Variants in HDHD5 observed in about 807,000 individuals in gnomAD.
HDHD5 encodes the protein haloacid dehalogenase like hydrolase domain containing 5, also known as haloacid dehalogenase-like hydrolase domain-containing 5.
Under a neutral mutation model 35.5 loss-of-function variants are expected in HDHD5, and 34 were observed. The ratio of observed to expected loss-of-function variants is 0.96; its 90% confidence interval spans 0.73 to 1.28. The LOEUF (loss-of-function observed/expected upper bound fraction) is 1.28. Among genes scored for constraint, HDHD5 ranks in the 50% most tolerant of loss-of-function variants. HDHD5 has a pLI of 0.00. For missense variants in HDHD5, 589 were observed against 560.2 expected (o/e 1.05, Z -0.52); for synonymous variants, 248 against 240.6 (o/e 1.03, Z -0.29).
chr22:17,144,878 AC>A, intron 4 of HDHD5, 145 bp downstream of exon 4: 1 of 974,720 alleles, frequency 1.0e-6, no homozygotes. Context: ...AATTCAGGGA[AC>A]AAAACCCTTA....
At chr22:17,140,734 C>A (rs971832628) in intron 6 of HDHD5, among the ~76,000 whole-genome samples, 6 of 152,150 alleles carry the variant, frequency 3.9e-5, no homozygotes, top group African/African-American at 1.4e-4. Context: ...TGCACAGATA[C>A]GGTACAAAAA....
At chr22:17,165,177 T>C in intron 1 of HDHD5, 1 of 771,290 alleles carries the variant, frequency 1.3e-6, no homozygotes, top group Non-Finnish European at 2.4e-6. Context: ...TCCTGGCCTC[T>C]CTCTACCTGG....
chr22:17,137,916 C>T lies in HDHD5; in HGVS notation c.*105G>A. On this transcript the variant is annotated 3_prime_UTR_variant, in exon 8 of 8. Coordinates refer to ENST00000336737, the MANE Select transcript of HDHD5 (RefSeq NM_033070.3). ...ACTCATGGGGCAGCAAGAAGGGTGG[C>T]AAGGGAACCAAGCCCTGACCTGAGC... is the stretch of plus-strand genomic sequence containing the variant. 1 of 901,260 alleles carries T rather than the reference C, an allele frequency of 1.1e-6. No homozygotes were observed. The highest frequency in any genetic ancestry group is 1.7e-6 in the Non-Finnish European group (1 of 597,294). 55.8% of individuals were successfully genotyped at this position (901,260 alleles called of 1,614,324 possible). A position where few individuals can be genotyped will look rare whatever the true frequency, so the allele number is the denominator to read the frequency against.
intron 1 of HDHD5, among the ~76,000 whole-genome samples, chr22:17,165,001 T>C (rs1402415203): frequency 6.6e-6 from 1 of 152,144 alleles, no homozygotes; most frequent in Non-Finnish European, 1.5e-5. Context: ...GGTTTACTGC[T>C]CACTGTCTCT....
chr22:17,146,599 T>C lies in HDHD5; in HGVS notation c.444-1482A>G, dbSNP rs174781. ...TTCGATCACACGCCATCGCACACGC[T>C]CCACACCTGTGGCACACTCCTGTGA... On this transcript the variant is annotated intron_variant, in intron 3 of 7. Transcript: ENST00000336737. Among the ~76,000 whole-genome samples, 186 of 25,446 alleles carry C rather than the reference T, an allele frequency of 7.3e-3. 18 individuals are homozygous for C. Among genetic ancestry groups the C allele is most frequent in the African/African-American group, 0.046 (176 of 3,802 alleles). The allele number at this position is 25,446 out of a possible 152,430, so 16.7% of individuals were successfully genotyped here.
rs758655588 is a variant in HDHD5 at position 17,149,546 on chromosome 22, C to T, written c.326G>A (p.Cys109Tyr). Residue 109 changes from cysteine (C) to tyrosine (Y), a missense_variant, in exon 2 of 8, where the codon TGC becomes TAC. Transcript: ENST00000336737. Reference protein sequence around the residue: ...KAQELSALLGCEVDADQVILS... With the variant: ...KAQELSALLGYEVDADQVILS... ...TGCCTCTGGCTGCCTTCTCACCTCG[C>T]ACCCCAGCAGGGCTGACAGCTCCTG... 1.2e-6 allele frequency: 2 copies of T among 1,611,462 alleles called. No individual in the cohort carries two copies. Among genetic ancestry groups the T allele is most frequent in the South Asian group, 2.2e-5 (2 of 90,968 alleles).
intron 1 of HDHD5, among the ~76,000 whole-genome samples, chr22:17,157,681 A>G (rs1156342255): frequency 2.0e-5 from 3 of 152,232 alleles, no homozygotes; most frequent in Non-Finnish European, 2.9e-5. Context: ...TTTTATCAAC[A>G]TATTCTAATT....
At chr22:17,163,720 C>T (rs1312494288), upstream of HDHD5, among the ~76,000 whole-genome samples, 1 of 152,192 alleles carries the variant, frequency 6.6e-6, no homozygotes, top group African/African-American at 2.4e-5. Context: ...AAACAGCAGC[C>T]ATTCCTGGCA....
chr22:17,152,168 A>C (rs1456331005), intron 1 of HDHD5, among the ~76,000 whole-genome samples: 9 of 152,214 alleles, frequency 5.9e-5, no homozygotes, highest in Non-Finnish European at 1.2e-4. Flanking sequence ...TGGCCATCAC[A>C]GGTCTCCGAG....
At chr22:17,148,179 G>C (rs552917288) in intron 3 of HDHD5, among the ~76,000 whole-genome samples, 1 of 152,164 alleles carries the variant, frequency 6.6e-6, no homozygotes, top group African/African-American at 2.4e-5. Context: ...CCGAGACCTA[G>C]TGAATTAAGG....
At position 17,159,259 on chromosome 22, in the gene HDHD5, T is replaced by G. The variant is rs2061841603; in HGVS notation, c.-8A>C. ...ACAGCCCCACGCAGCCATCCGGCCG[T>G]CGCCGTGCGCACGTGCACGGCGTGC... On this transcript the variant is annotated 5_prime_UTR_variant, in exon 1 of 8. Transcript: ENST00000336737. 9 of 1,161,362 alleles carry G rather than the reference T, an allele frequency of 7.7e-6. No homozygotes were observed. Among genetic ancestry groups the G allele is most frequent in the African/African-American group, 1.8e-5 (1 of 54,212 alleles). The allele number at this position is 1,161,362 out of a possible 1,614,324, so 71.9% of individuals were successfully genotyped here. A position where few individuals can be genotyped will look rare whatever the true frequency, so the allele number is the denominator to read the frequency against.
At chr22:17,159,549 C>A (rs2061846694), upstream of HDHD5, 1 of 450,208 alleles carries the variant, frequency 2.2e-6, no homozygotes, top group Non-Finnish European at 4.4e-6. Flanking sequence ...CCTGCGGATC[C>A]CGGTAACATT....
intron 4 of HDHD5, 92 bp from the exon 5 acceptor site, chr22:17,143,223 G>C (rs1433142704): frequency 2.9e-6 from 4 of 1,389,560 alleles, no homozygotes; most frequent in Non-Finnish European, 3.0e-6. Context: ...GGAGGGGAGG[G>C]GAGACACACT....
Position 17,138,674 on chromosome 22 carries a change from G to A in HDHD5, c.811C>T (p.Leu271=). The change falls in exon 7 of 8, where the codon CTG becomes TTG. Residue 271 remains leucine, a synonymous_variant. Coordinates refer to ENST00000336737, the MANE Select transcript of HDHD5 (RefSeq NM_033070.3). ...TIYQKVTGKE[L]RYEGLMGKPS... Reference sequence around the variant, plus strand: ...TTGCCCATCAGGCCCTCGTATCTCAGCTCCTTGCCCGTCACTTTCTGGTAA... The same window carrying A: ...TTGCCCATCAGGCCCTCGTATCTCAACTCCTTGCCCGTCACTTTCTGGTAA... 6.2e-7 allele frequency: 1 copy of A among 1,614,210 alleles called. No individual in the cohort carries two copies. Among genetic ancestry groups the A allele is most frequent in the Non-Finnish European group, 8.5e-7 (1 of 1,180,046 alleles).
chr22:17,162,928 A>G (rs1417793517), upstream of HDHD5, among the ~76,000 whole-genome samples: 1 of 152,260 alleles, frequency 6.6e-6, no homozygotes, highest in African/African-American at 2.4e-5. Context: ...TTGTAAGCAG[A>G]ACCCCTGCCC....
chr22:17,159,294 C>CCA (rs2061842657), upstream of HDHD5: 1 of 1,237,628 alleles, frequency 8.1e-7, no homozygotes. Context: ...CGGCCCCCCC[C>CCA]CCCCGCGAGT....
At chr22:17,141,036 G>A in intron 6 of HDHD5, 23 bp downstream of exon 6, 3 of 1,557,148 alleles carry the variant, frequency 1.9e-6, no homozygotes, top group Non-Finnish European at 2.6e-6. Context: ...ACCAGGCCAA[G>A]GCTGGGAGCT....
intron 1 of HDHD5, among the ~76,000 whole-genome samples, chr22:17,164,289 T>C (rs2061879694): frequency 6.6e-6 from 1 of 150,990 alleles, no homozygotes; most frequent in Non-Finnish European, 1.5e-5. Context: ...CTCCACAAAC[T>C]TGCACAAATG....
chr22:17,164,288 C>T (rs1173389653), intron 1 of HDHD5, among the ~76,000 whole-genome samples: 4 of 150,008 alleles, frequency 2.7e-5, no homozygotes, highest in Non-Finnish European at 5.9e-5. Flanking sequence ...TCTCCACAAA[C>T]TTGCACAAAT....
Sources: allele counts gnomAD v4.1 joint callset (sites outside exome capture counted in the v4.1 genomes callset), GRCh38; gene constraint gnomAD v4.1.1; transcripts MANE v1.5; gene names NCBI Gene and HGNC (gene_info 2026-07-23, HGNC 2026-07-21).